Variants in TSPAN15 observed in about 807,000 individuals in gnomAD.
The protein encoded by TSPAN15 is tetraspanin-15.
Under a neutral mutation model 34.5 loss-of-function variants are expected in TSPAN15, and 20 were observed. That is an observed-to-expected ratio of 0.58 (90% confidence interval 0.41 to 0.84). The LOEUF (loss-of-function observed/expected upper bound fraction) is 0.84, where lower values mean the gene tolerates loss of function less well. Among genes scored for constraint, TSPAN15 ranks in the 40% least tolerant of loss-of-function variants. The pLI, the probability that TSPAN15 is intolerant of heterozygous loss-of-function variation, is 0.00. For synonymous variants in TSPAN15, 155 were observed against 153.9 expected (o/e 1.01, Z -0.05); for missense variants, 313 against 386.1 (o/e 0.81, Z 1.59).
chr10:69,492,020 A>G (rs1196757236), intron 3 of TSPAN15, among the ~76,000 whole-genome samples: 6 of 152,242 alleles, frequency 3.9e-5, no homozygotes, highest in African/African-American at 1.2e-4. Flanking sequence ...ATAGTTCTTC[A>G]TAGCTTTCTC....
downstream of TSPAN15, among the ~76,000 whole-genome samples, chr10:69,507,916 G>T (rs956743401): frequency 2.4e-4 from 36 of 151,900 alleles, no homozygotes; most frequent in African/African-American, 8.7e-4. Flanking sequence ...CAGGAAATGG[G>T]GTGGATGGGG....
intron 1 of TSPAN15, among the ~76,000 whole-genome samples, chr10:69,469,543 C>T (rs1489788817): frequency 1.3e-5 from 2 of 152,068 alleles, no homozygotes; most frequent in South Asian, 2.1e-4. Context: ...ACCTCTACCT[C>T]CCAGGCTCAA....
chr10:69,487,449 C>T (rs1841878094), intron 3 of TSPAN15, among the ~76,000 whole-genome samples: 1 of 151,846 alleles, frequency 6.6e-6, no homozygotes, highest in Non-Finnish European at 1.5e-5. Context: ...GTTTACTTTT[C>T]AGCAGCTGTG....
intron 5 of TSPAN15, among the ~76,000 whole-genome samples, chr10:69,502,186 T>C (rs986550448): frequency 1.3e-5 from 2 of 152,166 alleles, no homozygotes; most frequent in Non-Finnish European, 2.9e-5. Context: ...CACTCAGCTT[T>C]AAAAGAAATG....
intron 3 of TSPAN15, among the ~76,000 whole-genome samples, chr10:69,493,181 G>C (rs561962548): frequency 6.6e-6 from 1 of 152,338 alleles, no homozygotes; most frequent in Non-Finnish European, 1.5e-5. Flanking sequence ...TTTGTGACCT[G>C]GGGGCCTCTG....
chr10:69,465,822 A>G (rs1841371973), intron 1 of TSPAN15, among the ~76,000 whole-genome samples: 1 of 151,956 alleles, frequency 6.6e-6, no homozygotes, highest in Admixed American at 6.6e-5. Flanking sequence ...TTAGTCACTC[A>G]TCAAACATGT....
At chr10:69,460,430 A>T (rs55920214) in intron 1 of TSPAN15, among the ~76,000 whole-genome samples, 1 of 151,906 alleles carries the variant, frequency 6.6e-6, no homozygotes, top group Admixed American at 6.6e-5. Flanking sequence ...TAGACTTACG[A>T]TGTCACCTTC....
the TSPAN15 span, among the ~76,000 whole-genome samples, chr10:69,537,285 G>A: frequency 6.6e-6 from 1 of 152,194 alleles, no homozygotes; most frequent in Non-Finnish European, 1.5e-5. Flanking sequence ...CACTGCATAT[G>A]GCTGGCCTGG....
At chr10:69,460,170 G>A (rs2133064819) in intron 1 of TSPAN15, among the ~76,000 whole-genome samples, 1 of 152,074 alleles carries the variant, frequency 6.6e-6, no homozygotes, top group Admixed American at 6.5e-5. Flanking sequence ...CCAGCCAGCT[G>A]GTCTGACCCC....
At chr10:69,515,373 G>C in the TSPAN15 span, among the ~76,000 whole-genome samples, 1 of 152,138 alleles carries the variant, frequency 6.6e-6, no homozygotes, top group African/African-American at 2.4e-5. Context: ...GGCTGACTCA[G>C]TTCATTCGTA....
At chr10:69,469,542 T>A (rs1197161359) in intron 1 of TSPAN15, among the ~76,000 whole-genome samples, 1 of 151,966 alleles carries the variant, frequency 6.6e-6, no homozygotes, top group African/African-American at 2.4e-5. Context: ...AACCTCTACC[T>A]CCCAGGCTCA....
chr10:69,476,904 G>A (rs560475862), intron 1 of TSPAN15, among the ~76,000 whole-genome samples: 7 of 152,188 alleles, frequency 4.6e-5, no homozygotes, highest in Admixed American at 4.6e-4. Context: ...TCCTGGAGGT[G>A]GGGCCGGTGC....
chr10:69,483,464 C>A (rs558268480), intron 1 of TSPAN15, among the ~76,000 whole-genome samples: 73 of 152,238 alleles, frequency 4.8e-4, no homozygotes, highest in African/African-American at 1.6e-3. Flanking sequence ...TTAATTAGTT[C>A]TTTAAGGGCC....
At position 69,451,545 on chromosome 10, in the gene TSPAN15, C is replaced by G. The variant is rs543971544; in HGVS notation, c.-50C>G. On this transcript the variant is annotated 5_prime_UTR_variant, in exon 1 of 8. Transcript: ENST00000373290. ...GGGCCACGAGCGCTGGCTGAGGGAC[C>G]GAGCCGGAGAGCCCCGGAGCCCCCG... 32 of 1,337,962 alleles carry G rather than the reference C, an allele frequency of 2.4e-5. No individual in the cohort carries two copies. Among genetic ancestry groups the G allele is most frequent in the Admixed American group, 1.1e-4 (3 of 27,258 alleles). The allele number at this position is 1,337,962 out of a possible 1,614,324, so 82.9% of individuals were successfully genotyped here.
chr10:69,453,219 G>A (rs1267660830), intron 1 of TSPAN15, among the ~76,000 whole-genome samples: 1 of 152,158 alleles, frequency 6.6e-6, no homozygotes, highest in African/African-American at 2.4e-5. Context: ...TGGGATGGGA[G>A]TGGGGGTGAT....
rs759767758 is a variant in TSPAN15 at position 69,506,252 on chromosome 10, G to A, written c.735+12G>A. On this transcript the variant is annotated intron_variant, in intron 7 of 7. Transcript: ENST00000373290. This position sits in a 1 kb window ranked among gnomAD's most constrained non-coding sequence, Gnocchi z 4.7. Reference sequence around the variant, plus strand: ...TCCTGCTTCCCCAGGTGGGCAGGCCGTGGGTTCAGAGAAAGTGTGACTTGG... The same window carrying A: ...TCCTGCTTCCCCAGGTGGGCAGGCCATGGGTTCAGAGAAAGTGTGACTTGG... 4.5e-5 allele frequency: 72 copies of A among 1,611,794 alleles called. No individual in the cohort carries two copies. Among genetic ancestry groups the A allele is most frequent in the Non-Finnish European group, 5.3e-5 (63 of 1,178,068 alleles).
the TSPAN15 span, among the ~76,000 whole-genome samples, chr10:69,528,134 C>T: frequency 4.2e-3 from 618 of 148,162 alleles, 35 homozygotes; most frequent in African/African-American, 0.014. Flanking sequence ...TGTGAGCAAG[C>T]GTGGAGTCTG....
chr10:69,471,936 G>A (rs1163415297), intron 1 of TSPAN15, among the ~76,000 whole-genome samples: 1 of 152,122 alleles, frequency 6.6e-6, no homozygotes, highest in African/African-American at 2.4e-5. Context: ...TTTAAAATAA[G>A]TCTCAGTTTT....
chr10:69,545,881 G>A, the TSPAN15 span, among the ~76,000 whole-genome samples: 18 of 152,244 alleles, frequency 1.2e-4, no homozygotes, highest in South Asian at 6.2e-4. Flanking sequence ...TCTTGAACCC[G>A]GGAGGCCAAG....
Sources: allele counts gnomAD v4.1 joint callset (sites outside exome capture counted in the v4.1 genomes callset), GRCh38; gene constraint gnomAD v4.1.1; non-coding constraint Gnocchi (gnomAD v3.1); transcripts MANE v1.5; gene names NCBI Gene and HGNC (gene_info 2026-07-23, HGNC 2026-07-21).